Variants in ADAD1 observed in about 807,000 individuals in gnomAD.
ADAD1 encodes the protein adenosine deaminase domain containing 1.
A neutral mutation model predicts 66.8 loss-of-function variants in ADAD1; 46 were observed. The observed-to-expected ratio is 0.69, with a 90% CI of 0.54 to 0.88. The LOEUF (loss-of-function observed/expected upper bound fraction) is 0.88, where lower values mean the gene tolerates loss of function less well. Ranked by LOEUF, ADAD1 falls within the 40% of genes least tolerant of loss-of-function variation. The pLI is 0.00. For synonymous variants in ADAD1, 248 were observed against 229.4 expected (o/e 1.08, Z -0.73); for missense variants, 617 against 681.8 (o/e 0.91, Z 1.06).
intron 11 of ADAD1, among the ~76,000 whole-genome samples, chr4:122,417,279 G>T (rs138975213): frequency 6.7e-6 from 1 of 149,942 alleles, no homozygotes; most frequent in Non-Finnish European, 1.5e-5. Context: ...GGAGGTTGCA[G>T]TGAGCTGAGA....
chr4:122,387,179 G>A (rs1188532638), intron 5 of ADAD1, among the ~76,000 whole-genome samples: 2 of 152,152 alleles, frequency 1.3e-5, no homozygotes, highest in African/African-American at 4.8e-5. Context: ...AGGATGGAAT[G>A]TTTTTCCATT....
At chr4:122,379,597 G>C (rs908046017) in intron 2 of ADAD1, 152 bp downstream of exon 2, 1 of 155,020 alleles carries the variant, frequency 6.5e-6, no homozygotes, top group African/African-American at 2.4e-5. Flanking sequence ...TGGGAGCAAC[G>C]GCGGCGGCGG....
At chr4:122,419,690 T>G (rs1276277718) in intron 11 of ADAD1, among the ~76,000 whole-genome samples, 1 of 152,196 alleles carries the variant, frequency 6.6e-6, no homozygotes, top group Non-Finnish European at 1.5e-5. Flanking sequence ...TGGCATTTTT[T>G]TCTAGGAATA....
At chr4:122,379,682 T>G in intron 2 of ADAD1, 1 of 157,004 alleles carries the variant, frequency 6.4e-6, no homozygotes. Context: ...AAGGACAACT[T>G]TGGTGGGTAG....
rs1290917810 is a variant in ADAD1 at position 122,385,013 on chromosome 4, A to G, written c.529+1047A>G. Among the ~76,000 whole-genome samples the G allele has an allele frequency of 3.9e-5, 6 of 152,288 alleles. No homozygotes were observed. The East Asian group carries it at 1.2e-3, about 29-fold the overall frequency. ...AAATAATAAGGTCATCTTTTTCCCT[A>G]TAGTAAGCTAGAGTTTCTTCTTTAT... On this transcript the variant is annotated intron_variant, in intron 5 of 12. Transcript: ENST00000296513.
At chr4:122,397,427 G>A (rs1454734017) in intron 7 of ADAD1, among the ~76,000 whole-genome samples, 1 of 152,088 alleles carries the variant, frequency 6.6e-6, no homozygotes, top group African/African-American at 2.4e-5. Flanking sequence ...TAAAAGTAGA[G>A]ATAATAGAAA....
intron 8 of ADAD1, among the ~76,000 whole-genome samples, chr4:122,408,379 G>A (rs1046768502): frequency 1.3e-5 from 2 of 152,148 alleles, no homozygotes; most frequent in Admixed American, 1.3e-4. Context: ...AGGTCCAAGC[G>A]ATTCTATTGT....
At chr4:122,421,160 T>C in intron 11 of ADAD1, 101 bp from the exon 12 acceptor site, 1 of 934,738 alleles carries the variant, frequency 1.1e-6, no homozygotes, top group Non-Finnish European at 1.4e-6. Context: ...TTGCAAATAA[T>C]CAAGAAATAT....
rs143785712 is a variant in ADAD1, at chr4:122,411,349, A to G, written c.976A>G (p.Met326Val). Reference protein sequence around the residue: ...LKQNINICLYMNQLPKGSAQI... With the variant: ...LKQNINICLYVNQLPKGSAQI... ...ACAGAATATCAACATTTGCCTTTAC[A>G]TGAACCAGTTGCCTAAAGGATCAGC... is the stretch of plus-strand genomic sequence containing the variant. The change falls in exon 9 of 13, where the codon ATG becomes GTG. Residue 326 changes from methionine to valine, a missense_variant. Met to Val is a conservative substitution (Grantham distance 21, BLOSUM62 1). Coordinates refer to ENST00000296513, the MANE Select transcript of ADAD1 (RefSeq NM_139243.4). 4.6e-5 allele frequency: 75 copies of G among 1,613,306 alleles called. No homozygotes were observed. The East Asian group carries it at 1.7e-3, about 36-fold the overall frequency.
chr4:122,424,395 G>A lies in ADAD1; in HGVS notation c.1617+3005G>A, dbSNP rs570702425. 1.2e-4 allele frequency among the ~76,000 whole-genome samples: 18 copies of A among 146,990 alleles called. No homozygotes were observed. In the South Asian group the frequency reaches 3.1e-3, roughly 26 times the overall value. ...CTAAAAAGTTGTTTAAAACAACACT[G>A]TGTTGTTGAGTTTATGACTTAGATG... On this transcript the variant is annotated intron_variant, in intron 12 of 12. Transcript: ENST00000296513.
At chr4:122,418,306 C>CTTTTTTTTTTTTT (rs10527795) in intron 11 of ADAD1, among the ~76,000 whole-genome samples, 1 of 94,652 alleles carries the variant, frequency 1.1e-5, no homozygotes, top group Non-Finnish European at 2.2e-5. Flanking sequence ...ACGTTATTTT[C>CTTTTTTTTTTTTT]TTTTTTTTTT....
chr4:122,394,511 C>G (rs912090359), intron 6 of ADAD1, among the ~76,000 whole-genome samples: 6 of 152,080 alleles, frequency 3.9e-5, no homozygotes, highest in Admixed American at 1.3e-4. Context: ...CTTTCTAAGA[C>G]AGGAAAAAGG....
chr4:122,390,987 G>A (rs1039919188), intron 5 of ADAD1, among the ~76,000 whole-genome samples: 5 of 152,118 alleles, frequency 3.3e-5, no homozygotes, highest in African/African-American at 2.4e-5. Flanking sequence ...TATCATCTTC[G>A]TGAGGTTGTC....
chr4:122,383,837 G>A lies in ADAD1; in HGVS notation c.400G>A (p.Val134Met), dbSNP rs754513934. The A allele has an allele frequency of 2.9e-5, 46 of 1,612,656 alleles. No individual in the cohort carries two copies. The highest frequency in any genetic ancestry group is 1.6e-4 in the Middle Eastern group (1 of 6,080). Reference sequence around the variant, plus strand: ...ACCATATTTTGCCTTTTGTGCTGTGGTGGATGGTATTCAGTACAAGACTGG... The same window carrying A: ...ACCATATTTTGCCTTTTGTGCTGTGATGGATGGTATTCAGTACAAGACTGG... ...MGPYFAFCAV[V>M]DGIQYKTGLG... The change falls in exon 5 of 13, where the codon GTG becomes ATG. Residue 134 changes from valine (V) to methionine (M), a missense_variant. Physicochemically the swap from Val to Met is conservative, Grantham distance 21 (BLOSUM62 1). Transcript: ENST00000296513.
At chr4:122,427,549 T>TTTTTTTTTTTTTTTC (rs1553926021) in intron 12 of ADAD1, among the ~76,000 whole-genome samples, 1 of 141,422 alleles carries the variant, frequency 7.1e-6, no homozygotes, top group Non-Finnish European at 1.6e-5. Flanking sequence ...TTTTTTTTTT[T>TTTTTTTTTTTTTTTC]CCTGATGCGG....
intron 7 of ADAD1, among the ~76,000 whole-genome samples, chr4:122,399,907 T>A (rs554922773): frequency 1.3e-5 from 2 of 152,084 alleles, no homozygotes; most frequent in African/African-American, 4.8e-5. Flanking sequence ...TTTGGATGAA[T>A]CTTTAGGGTG....
chr4:122,424,437 A>G (rs539406195), intron 12 of ADAD1, among the ~76,000 whole-genome samples: 1 of 152,300 alleles, frequency 6.6e-6, no homozygotes, highest in South Asian at 2.1e-4. Context: ...ATATGACAAT[A>G]TAACAAAGGA....
intron 12 of ADAD1, among the ~76,000 whole-genome samples, chr4:122,425,722 A>G (rs1384019891): frequency 6.6e-6 from 1 of 151,132 alleles, no homozygotes; most frequent in Non-Finnish European, 1.5e-5. Flanking sequence ...TTTAAAGTAT[A>G]TGAGAGAATG....
intron 7 of ADAD1, among the ~76,000 whole-genome samples, chr4:122,398,486 A>G (rs1480328293): frequency 1.3e-5 from 2 of 152,210 alleles, no homozygotes; most frequent in Admixed American, 6.5e-5. Context: ...CTCTGGGTAG[A>G]TACCTAGTAG....
Sources: allele counts gnomAD v4.1 joint callset (sites outside exome capture counted in the v4.1 genomes callset), GRCh38; gene constraint gnomAD v4.1.1; transcripts MANE v1.5; gene names NCBI Gene and HGNC (gene_info 2026-07-23, HGNC 2026-07-21).